UBE2W: variants seen among roughly 807,000 people sequenced by gnomAD.
The protein encoded by UBE2W is ubiquitin-conjugating enzyme E2 W.
Under a neutral mutation model 27.2 loss-of-function variants are expected in UBE2W, and 18 were observed. The ratio of observed to expected loss-of-function variants is 0.66; its 90% CI spans 0.46 to 0.98. UBE2W has a LOEUF of 0.98. Ranked by LOEUF, UBE2W falls within the 50% of genes least tolerant of loss-of-function variation. The pLI, the probability that UBE2W is intolerant of heterozygous loss-of-function variation, is 0.00. For missense variants in UBE2W, 90 were observed against 180.2 expected, an observed-to-expected ratio of 0.50 and a Z score of 2.87; for synonymous variants, 53 against 57.2, an observed-to-expected ratio of 0.93 and a Z score of 0.33.
At chr8:73,803,150 A>C (rs1808717837) in intron 5 of UBE2W, among the ~76,000 whole-genome samples, 1 of 152,224 alleles carries the variant, frequency 6.6e-6, no homozygotes, top group South Asian at 2.1e-4. Flanking sequence ...CAGGAGGCAG[A>C]GGATGCAGTG....
At chr8:73,809,486 T>C (rs1312487229) in intron 4 of UBE2W, among the ~76,000 whole-genome samples, 2 of 152,208 alleles carry the variant, frequency 1.3e-5, no homozygotes, top group Non-Finnish European at 2.9e-5. Context: ...TGTTATGCTA[T>C]ACTAACCCTT....
chr8:73,845,915 TAA>T (rs1810779729), intron 1 of UBE2W, among the ~76,000 whole-genome samples: 1 of 151,924 alleles, frequency 6.6e-6, no homozygotes. Flanking sequence ...ATGGATGAAA[TAA>T]AGATATGTGC....
At chr8:73,783,629 A>G (rs1807883168), downstream of UBE2W, among the ~76,000 whole-genome samples, 1 of 152,136 alleles carries the variant, frequency 6.6e-6, no homozygotes, top group Non-Finnish European at 1.5e-5. Flanking sequence ...TTCTGCTCCC[A>G]TCCCCACATC....
chr8:73,807,470 T>C (rs1328704915), intron 4 of UBE2W, among the ~76,000 whole-genome samples: 1 of 152,218 alleles, frequency 6.6e-6, no homozygotes, highest in Non-Finnish European at 1.5e-5. Context: ...AGCCTCACAA[T>C]GCTCTTATGT....
intron 5 of UBE2W, among the ~76,000 whole-genome samples, chr8:73,799,641 C>G (rs1277354976): frequency 6.6e-6 from 1 of 152,192 alleles, no homozygotes; most frequent in Non-Finnish European, 1.5e-5. Context: ...CTGACAAACA[C>G]TGACTCACCT....
At chr8:73,830,988 C>A (rs146366544) in intron 1 of UBE2W, among the ~76,000 whole-genome samples, 1 of 152,222 alleles carries the variant, frequency 6.6e-6, no homozygotes, top group Non-Finnish European at 1.5e-5. Flanking sequence ...AACACTAGAG[C>A]TTCCAGGCAG....
At chr8:73,821,473 G>A (rs562318783) in intron 3 of UBE2W, among the ~76,000 whole-genome samples, 11 of 149,874 alleles carry the variant, frequency 7.3e-5, no homozygotes, top group Admixed American at 6.7e-4. Context: ...TTACTGTCAG[G>A]GGGTGAGGAA....
rs1035636808 is a variant in UBE2W at position 73,800,700 on chromosome 8, T to G, written c.442+4951A>C. On this transcript the variant is annotated intron_variant, in intron 5 of 5. Transcript: ENST00000602593. ...ATTTTTTTGGTACTTCTCGGCTTACTTGGAGATTACGTGTCTCCAAACTAC... is the reference window on the plus strand; with the variant it reads ...ATTTTTTTGGTACTTCTCGGCTTACGTGGAGATTACGTGTCTCCAAACTAC... Among the ~76,000 whole-genome samples the G allele has an allele frequency of 5.6e-4, 85 of 152,242 alleles. 1 individual carries two copies. The highest frequency in any genetic ancestry group is 2.1e-3 in the African/African-American group (85 of 41,462).
At chr8:73,835,053 G>T (rs1273611759) in intron 1 of UBE2W, among the ~76,000 whole-genome samples, 1 of 152,120 alleles carries the variant, frequency 6.6e-6, no homozygotes, top group African/African-American at 2.4e-5. Flanking sequence ...CAGATCTTGA[G>T]AACTTTACTA....
intron 1 of UBE2W, chr8:73,833,730 T>C (rs924153790): frequency 2.6e-5 from 4 of 152,212 alleles, no homozygotes; most frequent in Non-Finnish European, 4.4e-5. Context: ...GTTATTAAAA[T>C]TGCATGCAAG....
chr8:73,812,248 A>G (rs1809182992), intron 3 of UBE2W, among the ~76,000 whole-genome samples: 1 of 151,682 alleles, frequency 6.6e-6, no homozygotes. Context: ...GCTAAAAAAC[A>G]AAAGTAAAGT....
chr8:73,794,806 G>C (rs942467944), intron 5 of UBE2W, among the ~76,000 whole-genome samples: 1 of 149,292 alleles, frequency 6.7e-6, no homozygotes, highest in Non-Finnish European at 1.5e-5. Flanking sequence ...AGGAGGCTGA[G>C]GCAAGGGAAT....
intron 1 of UBE2W, among the ~76,000 whole-genome samples, chr8:73,859,016 G>C (rs1811429957): frequency 7.0e-6 from 1 of 143,812 alleles, no homozygotes; most frequent in African/African-American, 2.6e-5. Context: ...GTGTGTGTGT[G>C]TGGTGGTTTT....
chr8:73,873,068 G>C (rs895210553), intron 1 of UBE2W, among the ~76,000 whole-genome samples: 1 of 151,820 alleles, frequency 6.6e-6, no homozygotes, highest in Non-Finnish European at 1.5e-5. Context: ...ACCACGCCTG[G>C]CTAATTTTTT....
chr8:73,780,415 A>G (rs908702115), exon 5 of UBE2W: 1 of 438,422 alleles, frequency 2.3e-6, no homozygotes, highest in Non-Finnish European at 4.6e-6. Context: ...CTCTATTTCC[A>G]AATAGGGTCA....
intron 5 of UBE2W, among the ~76,000 whole-genome samples, chr8:73,800,499 A>C (rs914613950): frequency 6.6e-6 from 1 of 152,230 alleles, no homozygotes; most frequent in African/African-American, 2.4e-5. Context: ...TAGAACAGTC[A>C]TAATTCAGGT....
chr8:73,842,152 T>A (rs893167898), intron 1 of UBE2W, among the ~76,000 whole-genome samples: 1 of 152,118 alleles, frequency 6.6e-6, no homozygotes, highest in Admixed American at 6.6e-5. Flanking sequence ...AGCTTCACTG[T>A]AAACAAAATC....
In UBE2W at chr8:73,877,024, TACAA is replaced by T. The variant is rs1156794697; in HGVS notation, c.15+1780_15+1783del. Among the ~76,000 whole-genome samples the T allele has an allele frequency of 7.2e-5, 11 of 152,284 alleles. No individual in the cohort carries two copies. The East Asian group carries it at 1.7e-3, about 24-fold the overall frequency. On this transcript the variant is annotated intron_variant, in intron 1 of 5. Coordinates refer to ENST00000602593, the MANE Select transcript of UBE2W (RefSeq NM_018299.6). ...AGTTCAAGATTACCAACCTCTCTCT[TACAA>T]ACAAATCTGCCTTTTCCAGATACTA...
chr8:73,794,014 T>C lies in UBE2W; in HGVS notation c.*88A>G, dbSNP rs375753648. 4.2e-5 allele frequency: 67 copies of C among 1,590,196 alleles called. No homozygotes were observed. The highest frequency in any genetic ancestry group is 5.1e-6 in the Non-Finnish European group (6 of 1,169,576). On this transcript the variant is annotated 3_prime_UTR_variant, in exon 6 of 6. Coordinates refer to ENST00000602593, the MANE Select transcript of UBE2W (RefSeq NM_018299.6). Reference sequence around the variant, plus strand: ...TTCATTGCCTATAGGTCACTTCCAGTCAAAGGTTAAAGTTCAAAGACTGAA... The same window carrying C: ...TTCATTGCCTATAGGTCACTTCCAGCCAAAGGTTAAAGTTCAAAGACTGAA...
Sources: gnomAD v4.1 joint callset for allele counts (sites outside exome capture counted in the v4.1 genomes callset) on GRCh38, gnomAD v4.1.1 for gene constraint, MANE v1.5 for transcripts, NCBI Gene and HGNC (gene_info 2026-07-23, HGNC 2026-07-21) for gene names.